The following KLHL10 variants were observed in gnomAD, a reference collection of about 807,000 sequenced individuals.
The protein encoded by KLHL10 is kelch like family member 10.
Under a neutral mutation model 46.6 loss-of-function variants are expected in KLHL10, and 11 were observed. That is an observed-to-expected ratio of 0.24 (90% CI 0.15 to 0.39). KLHL10 has a LOEUF of 0.39. Among genes scored for constraint, KLHL10 ranks in the 10% least tolerant of loss-of-function variants. The probability of loss-of-function intolerance (pLI) is 1.00; values close to 1 mark genes in which losing one functional copy is unlikely to be tolerated. For missense variants in KLHL10, 475 were observed against 789.8 expected, an observed-to-expected ratio of 0.60 and a Z score of 4.78; for synonymous variants, 254 against 279.1, an observed-to-expected ratio of 0.91 and a Z score of 0.90.
intron 1 of KLHL10, among the ~76,000 whole-genome samples, chr17:41,840,520 C>T (rs997693271): frequency 6.7e-6 from 1 of 150,028 alleles, no homozygotes; most frequent in African/African-American, 2.5e-5. Context: ...TGGTGGGCAC[C>T]TATAATCCCA....
In KLHL10 at chr17:41,845,326, A is replaced by G. The variant is rs782682746; in HGVS notation, c.885A>G (p.Ala295=). 6.2e-7 allele frequency: 1 copy of G among 1,614,204 alleles called. No homozygotes were observed. The highest frequency in any genetic ancestry group is 2.2e-5 in the East Asian group (1 of 44,890). ...RPRLPYAILF[A]IGGWSGGSPT... ...GCTTGCCCTATGCCATCCTCTTTGC[A>G]ATTGGTGGCTGGAGTGGTGGGAGCC... Residue 295 remains alanine (A), a synonymous_variant, in exon 3 of 5, where the codon GCA becomes GCG. Transcript: ENST00000293303.
chr17:41,847,433 A>C lies in KLHL10; in HGVS notation c.1452+23A>C, dbSNP rs193251032. 1.4e-3 allele frequency: 2,224 copies of C among 1,613,744 alleles called. 7 individuals are homozygous for C. Among genetic ancestry groups the C allele is most frequent in the Non-Finnish European group, 1.2e-3 (1,385 of 1,179,744 alleles). On this transcript the variant is annotated intron_variant, in intron 4 of 4. Coordinates refer to ENST00000293303, the MANE Select transcript of KLHL10 (RefSeq NM_152467.5). ...GCGGTAAGTTTATCTAGTACCACACACACACAAAAAACACATTACCCCTAG... is the reference window on the plus strand; with the variant it reads ...GCGGTAAGTTTATCTAGTACCACACCCACACAAAAAACACATTACCCCTAG...
At chr17:41,847,071 G>A (rs2048296281) in intron 3 of KLHL10, among the ~76,000 whole-genome samples, 190 bp from the exon 4 acceptor site, 1 of 152,098 alleles carries the variant, frequency 6.6e-6, no homozygotes, top group Non-Finnish European at 1.5e-5. Flanking sequence ...TGGTGCAAAT[G>A]GACTCCAGCC....
chr17:41,840,289 T>G (rs2048213637), intron 1 of KLHL10, among the ~76,000 whole-genome samples: 1 of 152,210 alleles, frequency 6.6e-6, no homozygotes, highest in Non-Finnish European at 1.5e-5. Context: ...ACACTGAAAT[T>G]TAAATGTATT....
At chr17:41,835,759 T>C (rs2048140623), upstream of KLHL10, 26 of 1,211,804 alleles carry the variant, frequency 2.1e-5, no homozygotes, top group Non-Finnish European at 3.1e-5. Flanking sequence ...GGCAGAGAGC[T>C]AGGAGGGGTC....
chr17:41,847,997 C>T lies in KLHL10; in HGVS notation c.1517C>T (p.Thr506Ile). The T allele has an allele frequency of 1.9e-6, 3 of 1,614,206 alleles. No homozygotes were observed. The highest frequency in any genetic ancestry group is 2.2e-5 in the East Asian group (1 of 44,884). The stretch of plus-strand genomic sequence containing the variant: ...GAAGCCTACAGCCCTGTGGCTAACA[C>T]TTGGCGCACAATCCCCACTATGTTT... ...SAEAYSPVANTWRTIPTMFNP... is the reference protein window; with the variant it reads ...SAEAYSPVANIWRTIPTMFNP... Residue 506 changes from threonine to isoleucine, a missense_variant, in exon 5 of 5, where the codon ACT (threonine) becomes ATT (isoleucine). Physicochemically the swap from Thr to Ile is moderately conservative, Grantham distance 89. Transcript: ENST00000293303.
rs138367041 is a variant in KLHL10, at chr17:41,847,655, G to A, written c.1452+245G>A. 0.047 allele frequency among the ~76,000 whole-genome samples: 7,193 copies of A among 152,090 alleles called. 197 individuals carry two copies. The highest frequency in any genetic ancestry group is 0.11 in the East Asian group (585 of 5,170). Reference sequence around the variant, plus strand: ...CGAGCAGCTGGGACTACCGGCACCCGCCACCATGCCCAGCTAATTTTTTGT... The same window carrying A: ...CGAGCAGCTGGGACTACCGGCACCCACCACCATGCCCAGCTAATTTTTTGT... On this transcript the variant is annotated intron_variant, in intron 4 of 4. Transcript: ENST00000293303.
chr17:41,844,106 C>G (rs1275242114), intron 2 of KLHL10, among the ~76,000 whole-genome samples: 1 of 152,194 alleles, frequency 6.6e-6, no homozygotes, highest in Non-Finnish European at 1.5e-5. Flanking sequence ...GTCACCCAGG[C>G]TGGAGTGCTG....
chr17:41,847,888 G>A (rs1555621640), intron 4 of KLHL10, 45 bp from the exon 5 acceptor site: 2 of 1,612,448 alleles, frequency 1.2e-6, no homozygotes, highest in Non-Finnish European at 1.7e-6. Flanking sequence ...TCAGTGAACA[G>A]AATCAATGGT....
upstream of KLHL10, chr17:41,836,203 G>C: frequency 8.0e-7 from 1 of 1,245,024 alleles, no homozygotes; most frequent in African/African-American, 1.6e-5. Context: ...TCCCGTTCGA[G>C]GCCTGGTCGG....
rs1555621553 is a variant in KLHL10 at position 41,847,298 on chromosome 17, T to G, written c.1340T>G (p.Leu447Arg). 6.2e-7 allele frequency: 1 copy of G among 1,614,014 alleles called. No individual in the cohort carries two copies. Among genetic ancestry groups the G allele is most frequent in the Admixed American group, 1.7e-5 (1 of 60,002 alleles). ...ICGGFNGNEC[L>R]FTAEVYNTES... is the part of the protein sequence containing the mutation. Reference sequence around the variant, plus strand: ...GGTGGGTTTAATGGAAACGAGTGCCTGTTCACAGCAGAAGTGTATAACACT... The same window carrying G: ...GGTGGGTTTAATGGAAACGAGTGCCGGTTCACAGCAGAAGTGTATAACACT... Residue 447 changes from leucine (L) to arginine (R), a missense_variant, in exon 4 of 5, where the codon CTG becomes CGG. Coordinates refer to ENST00000293303, the MANE Select transcript of KLHL10 (RefSeq NM_152467.5).
At chr17:41,836,333 G>C, upstream of KLHL10, 1 of 1,224,766 alleles carries the variant, frequency 8.2e-7, no homozygotes, top group East Asian at 3.3e-5. Flanking sequence ...AGAATCGAGC[G>C]GTCCCGGAGA....
chr17:41,837,274 C>G (rs2048173880), upstream of KLHL10, among the ~76,000 whole-genome samples: 1 of 152,214 alleles, frequency 6.6e-6, no homozygotes, highest in African/African-American at 2.4e-5. Context: ...AAGCGATTCT[C>G]CTGCCTCAGC....
chr17:41,847,164 A>G, intron 3 of KLHL10, 97 bp from the exon 4 acceptor site: 1 of 1,041,100 alleles, frequency 9.6e-7, no homozygotes, highest in East Asian at 2.4e-5. Context: ...TTCAGACTGT[A>G]CAGACTGGAA....
chr17:41,847,139 T>C (rs1567870750), intron 3 of KLHL10, 122 bp from the exon 4 acceptor site: 1 of 872,102 alleles, frequency 1.1e-6, no homozygotes, highest in Admixed American at 1.8e-5. Flanking sequence ...TGCATGCACA[T>C]ACAAAAAAAA....
At chr17:41,838,207 C>A in intron 1 of KLHL10, 81 bp downstream of exon 1, 2 of 1,230,114 alleles carry the variant, frequency 1.6e-6, no homozygotes, top group Non-Finnish European at 2.4e-6. Flanking sequence ...TGTTTCCCAC[C>A]CCATCACCTT....
chr17:41,840,354 G>A (rs1412065780), intron 1 of KLHL10, among the ~76,000 whole-genome samples: 1 of 152,216 alleles, frequency 6.6e-6, no homozygotes, highest in Non-Finnish European at 1.5e-5. Flanking sequence ...AACCAGCGGG[G>A]CGCAGTGGCT....
intron 3 of KLHL10, among the ~76,000 whole-genome samples, chr17:41,846,568 A>G (rs2048288684): frequency 6.6e-6 from 1 of 151,512 alleles, no homozygotes; most frequent in African/African-American, 2.4e-5. Context: ...GTAATGTGGC[A>G]GAGCCCAGTG....
rs1288732933 is a variant in KLHL10, at chr17:41,847,392, T to C, written c.1434T>C (p.Tyr478=). 1 of 1,613,904 alleles carries C rather than the reference T, an allele frequency of 6.2e-7. No individual in the cohort carries two copies. The highest frequency in any genetic ancestry group is 8.5e-7 in the Non-Finnish European group (1 of 1,179,996). Residue 478 remains tyrosine (Y), a synonymous_variant, in exon 4 of 5, where the codon TAT becomes TAC. Coordinates refer to ENST00000293303, the MANE Select transcript of KLHL10 (RefSeq NM_152467.5). The part of the protein sequence containing the change: ...SRRSGIGVIA[Y]GEHVYAVGGF... ...GGAGTGGAATAGGCGTGATTGCTTATGGAGAACATGTATATGCGGTAAGTT... is the reference window on the plus strand; with the variant it reads ...GGAGTGGAATAGGCGTGATTGCTTACGGAGAACATGTATATGCGGTAAGTT...
Sources: gnomAD v4.1 joint callset for allele counts (sites outside exome capture counted in the v4.1 genomes callset) on GRCh38, gnomAD v4.1.1 for gene constraint, MANE v1.5 for transcripts, NCBI Gene and HGNC (gene_info 2026-07-23, HGNC 2026-07-21) for gene names.